The following SPRED3 variants were observed in gnomAD, a reference collection of about 807,000 sequenced individuals.
SPRED3 encodes the protein sprouty related EVH1 domain containing 3.
A neutral mutation model predicts 37.6 loss-of-function variants in SPRED3; 23 were observed. The observed-to-expected ratio is 0.61, with a 90% confidence interval of 0.44 to 0.87. SPRED3 has a LOEUF of 0.87. Among genes scored for constraint, SPRED3 ranks in the 40% least tolerant of loss-of-function variants. The pLI is 0.00. For synonymous variants in SPRED3, 302 were observed against 279.6 expected (o/e 1.08, Z -0.80); for missense variants, 584 against 618.6 (o/e 0.94, Z 0.59).
In SPRED3 at chr19:38,395,894, C is replaced by G. The variant is rs1468234208; in HGVS notation, c.982C>G (p.Arg328Gly). ...APDPGRLLVRRLSCLWCAESL... is the reference protein window; with the variant it reads ...APDPGRLLVRGLSCLWCAESL... ...GGACCCGGGTCGCCTCCTGGTGCGC[C>G]GTCTAAGCTGCCTGTGGTGCGCCGA... The change falls in exon 6 of 6, where the codon CGT becomes GGT. Residue 328 changes from arginine to glycine, a missense_variant. By Grantham distance (125) the Arg-to-Gly change is moderately radical. Around this residue, in one of 7 missense-constraint regions of SPRED3, gnomAD observed 67 missense variants for 57.4 expected, o/e 1.17. Coordinates refer to ENST00000691638, the MANE Select transcript of SPRED3 (RefSeq NM_001394336.1). The surrounding 1 kb of genome is among the most constrained non-coding windows in gnomAD (Gnocchi z 5.2). 1.3e-6 allele frequency: 2 copies of G among 1,504,678 alleles called. No homozygotes were observed. The highest frequency in any genetic ancestry group is 1.8e-6 in the Non-Finnish European group (2 of 1,135,342). 93.2% of individuals were successfully genotyped at this position (1,504,678 alleles called of 1,614,324 possible). A position where few individuals can be genotyped will look rare whatever the true frequency, so the allele number is the denominator to read the frequency against.
In SPRED3 at chr19:38,396,229, C is replaced by G. The variant is rs1354932537; in HGVS notation, c.*84C>G. 7.1e-6 allele frequency: 7 copies of G among 987,216 alleles called. No individual in the cohort carries two copies. Among genetic ancestry groups the G allele is most frequent in the African/African-American group, 1.7e-5 (1 of 58,952 alleles). 61.2% of individuals were successfully genotyped at this position (987,216 alleles called of 1,614,324 possible). A position where few individuals can be genotyped will look rare whatever the true frequency, so the allele number is the denominator to read the frequency against. On this transcript the variant is annotated 3_prime_UTR_variant, in exon 6 of 6. Transcript: ENST00000691638. ...CCGGACTCCGTTCGGACCTAAAACC[C>G]AAACCTAGGCACATCCGGAACTTGG... is the stretch of plus-strand genomic sequence containing the variant.
chr19:38,394,077 A>T (rs1051389470), intron 4 of SPRED3, among the ~76,000 whole-genome samples: 1 of 152,242 alleles, frequency 6.6e-6, no homozygotes, highest in South Asian at 2.1e-4. Flanking sequence ...CAGTGTGCAG[A>T]TAAGGTAGGA....
intron 2 of SPRED3, among the ~76,000 whole-genome samples, chr19:38,391,602 G>C (rs1441680841): frequency 6.6e-6 from 1 of 152,000 alleles, no homozygotes; most frequent in Non-Finnish European, 1.5e-5. Flanking sequence ...GGTGTGTTCA[G>C]TAAAATTGGG....
intron 4 of SPRED3, among the ~76,000 whole-genome samples, chr19:38,394,190 G>A (rs1314944814): frequency 6.6e-6 from 1 of 152,240 alleles, no homozygotes; most frequent in Non-Finnish European, 1.5e-5. Flanking sequence ...ACTCGGAGTG[G>A]GCGGGACTGC....
rs1970938727 is a variant in SPRED3 at position 38,399,523 on chromosome 19, C to T, written c.*3378C>T. On this transcript the variant is annotated 3_prime_UTR_variant, in exon 6 of 6. Transcript: ENST00000691638. ...GTGGGGGAGGATGGGGGCCAAAGACCCAGCCTTGTCATCGGGGGAGGGGGC... is the reference window on the plus strand; with the variant it reads ...GTGGGGGAGGATGGGGGCCAAAGACTCAGCCTTGTCATCGGGGGAGGGGGC... 1 of 152,022 alleles carries T rather than the reference C, an allele frequency of 6.6e-6. No individual in the cohort carries two copies. Among genetic ancestry groups the T allele is most frequent in the Non-Finnish European group, 1.5e-5 (1 of 68,030 alleles). 9.4% of individuals were successfully genotyped at this position (152,022 alleles called of 1,614,324 possible).
Position 38,392,101 on chromosome 19 carries a change from C to T in SPRED3, c.333C>T (p.Ala111=), listed in dbSNP as rs773566906. Residue 111 remains alanine, a synonymous_variant, in exon 3 of 6, where the codon GCC becomes GCT. Transcript: ENST00000691638. ...EFQKSLLAAL[A]ALGRGSLTPS... ...AGAAGAGCCTGCTGGCTGCGCTGGC[C>T]GCACTGGGTCGAGGTGAGCAGCCCA... The T allele has an allele frequency of 2.5e-5, 40 of 1,614,010 alleles. No individual in the cohort carries two copies. The highest frequency in any genetic ancestry group is 4.5e-5 in the East Asian group (2 of 44,896).
At chr19:38,390,843 C>T (rs914647049) in intron 2 of SPRED3, among the ~76,000 whole-genome samples, 4 of 149,208 alleles carry the variant, frequency 2.7e-5, no homozygotes, top group Admixed American at 6.7e-5. Flanking sequence ...ATCCTTGCCA[C>T]GAGGCCCTAC....
intron 4 of SPRED3, chr19:38,392,567 C>T (rs1302559973): frequency 5.5e-6 from 2 of 360,740 alleles, no homozygotes; most frequent in African/African-American, 4.2e-5. Flanking sequence ...TTCCTTTCCT[C>T]CTGGAGCTTC....
Position 38,395,894 on chromosome 19 carries a change from C to A in SPRED3, c.982C>A (p.Arg328Ser). The change falls in exon 6 of 6, where the codon CGT (arginine) becomes AGT (serine). Residue 328 changes from arginine to serine, a missense_variant. Around this residue, in one of 7 missense-constraint regions of SPRED3, gnomAD observed 67 missense variants for 57.4 expected, o/e 1.17. Coordinates refer to ENST00000691638, the MANE Select transcript of SPRED3 (RefSeq NM_001394336.1). This position sits in a 1 kb window ranked among gnomAD's most constrained non-coding sequence, Gnocchi z 5.2. ...APDPGRLLVRRLSCLWCAESL... is the reference protein window; with the variant it reads ...APDPGRLLVRSLSCLWCAESL... ...GGACCCGGGTCGCCTCCTGGTGCGC[C>A]GTCTAAGCTGCCTGTGGTGCGCCGA... The A allele has an allele frequency of 1.3e-6, 2 of 1,504,786 alleles. No individual in the cohort carries two copies. The highest frequency in any genetic ancestry group is 1.8e-6 in the Non-Finnish European group (2 of 1,135,332). 93.2% of individuals were successfully genotyped at this position (1,504,786 alleles called of 1,614,324 possible).
intron 4 of SPRED3, 120 bp from the exon 5 acceptor site, chr19:38,394,523 G>A (rs1970869249): frequency 1.9e-6 from 3 of 1,549,028 alleles, no homozygotes; most frequent in Middle Eastern, 1.7e-4. Context: ...TGACAGAGCC[G>A]GGGTTTGAAC....
chr19:38,390,557 T>C, intron 2 of SPRED3, 78 bp downstream of exon 2: 7 of 1,157,068 alleles, frequency 6.0e-6, no homozygotes, highest in East Asian at 3.2e-5. Context: ...GGAGCAGAGG[T>C]CAGGTTGCCT....
chr19:38,390,826 C>G (rs1204716322), intron 2 of SPRED3, among the ~76,000 whole-genome samples: 1 of 144,634 alleles, frequency 6.9e-6, no homozygotes, highest in Non-Finnish European at 1.5e-5. Flanking sequence ...CTCCATCTTG[C>G]TCAGAGATCC....
chr19:38,390,782 C>T (rs981548813), intron 2 of SPRED3, among the ~76,000 whole-genome samples: 3 of 138,434 alleles, frequency 2.2e-5, no homozygotes, highest in East Asian at 4.7e-4. Context: ...CCCCCCGCCC[C>T]GACTCACACC....
Position 38,394,638 on chromosome 19 carries a change from T to TCCAGTCCCACGTGGACAG in SPRED3, c.424-3_438dup. On this transcript the variant is annotated splice_polypyrimidine_tract_variant and splice_region_variant and intron_variant, in intron 4 of 5. Coordinates refer to ENST00000691638, the MANE Select transcript of SPRED3 (RefSeq NM_001394336.1). ...CCCCGCGCTGAGGCCGCCAATCTCC[T>TCCAGTCCCACGTGGACAG]CCAGTCCCACGTGGACAGCGACTCC... 1 of 1,593,070 alleles carries TCCAGTCCCACGTGGACAG rather than the reference T, an allele frequency of 6.3e-7. No homozygotes were observed. Among genetic ancestry groups the TCCAGTCCCACGTGGACAG allele is most frequent in the Non-Finnish European group, 8.5e-7 (1 of 1,174,610 alleles).
intron 2 of SPRED3, among the ~76,000 whole-genome samples, chr19:38,391,374 A>G (rs73044911): frequency 0.022 from 3,360 of 151,872 alleles, 52 homozygotes; most frequent in South Asian, 0.045. Context: ...TAAAGTTTCC[A>G]GAGATTATTA....
In SPRED3 at chr19:38,397,820, C is replaced by T. The variant is rs900274855; in HGVS notation, c.*1675C>T. On this transcript the variant is annotated 3_prime_UTR_variant, in exon 6 of 6. Coordinates refer to ENST00000691638, the MANE Select transcript of SPRED3 (RefSeq NM_001394336.1). The stretch of plus-strand genomic sequence containing the variant: ...CACAGTGGCTCATGCCTTGTAATCC[C>T]AGCACTTTGGGAGGCCAAGGGAGGA... 3 of 152,178 alleles carry T rather than the reference C, an allele frequency of 2.0e-5. No individual in the cohort carries two copies. The East Asian group carries it at 5.8e-4, about 29-fold the overall frequency. 9.4% of individuals were successfully genotyped at this position (152,178 alleles called of 1,614,324 possible).
rs1451701116 is a variant in SPRED3, at chr19:38,398,832, G to A, written c.*2687G>A. 6.6e-6 allele frequency: 1 copy of A among 152,220 alleles called. No homozygotes were observed. Among genetic ancestry groups the A allele is most frequent in the Non-Finnish European group, 1.5e-5 (1 of 68,056 alleles). The allele number at this position is 152,220 out of a possible 1,614,324, so 9.4% of individuals were successfully genotyped here. A position where few individuals can be genotyped will look rare whatever the true frequency, so the allele number is the denominator to read the frequency against. On this transcript the variant is annotated 3_prime_UTR_variant, in exon 6 of 6. Transcript: ENST00000691638. Reference sequence around the variant, plus strand: ...GGCCTTGTTGGGGTTCAAGGGATAGGTCCTCTGTCTCTTCCTTTAAATTAT... The same window carrying A: ...GGCCTTGTTGGGGTTCAAGGGATAGATCCTCTGTCTCTTCCTTTAAATTAT...
chr19:38,395,745 C>G lies in SPRED3; in HGVS notation c.833C>G (p.Pro278Arg). 2 of 1,460,070 alleles carry G rather than the reference C, an allele frequency of 1.4e-6. No individual in the cohort carries two copies. Among genetic ancestry groups the G allele is most frequent in the Non-Finnish European group, 1.8e-6 (2 of 1,116,090 alleles). The allele number at this position is 1,460,070 out of a possible 1,614,324, so 90.4% of individuals were successfully genotyped here. A position where few individuals can be genotyped will look rare whatever the true frequency, so the allele number is the denominator to read the frequency against. ...CCCCCCGCTCGCCCACCCCCCGGCC[C>G]GGGCCCATCCTCTGCGCCTGCCAAG... ...PAPPARPPPG[P>R]GPSSAPAKAS... The change falls in exon 6 of 6, where the codon CCG (proline) becomes CGG (arginine). Residue 278 changes from proline to arginine, a missense_variant. Coordinates refer to ENST00000691638, the MANE Select transcript of SPRED3 (RefSeq NM_001394336.1). The surrounding 1 kb of genome is among the most constrained non-coding windows in gnomAD (Gnocchi z 5.2).
At position 38,394,626 on chromosome 19, in the gene SPRED3, C is replaced by T; in HGVS notation, c.424-17C>T. On this transcript the variant is annotated splice_polypyrimidine_tract_variant and intron_variant, in intron 4 of 5. Coordinates refer to ENST00000691638, the MANE Select transcript of SPRED3 (RefSeq NM_001394336.1). ...GCGGGGGCGTGTCCCCGCGCTGAGGCCGCCAATCTCCTCCAGTCCCACGTG... is the reference window on the plus strand; with the variant it reads ...GCGGGGGCGTGTCCCCGCGCTGAGGTCGCCAATCTCCTCCAGTCCCACGTG... 1.3e-6 allele frequency: 2 copies of T among 1,582,860 alleles called. No homozygotes were observed. The highest frequency in any genetic ancestry group is 1.7e-6 in the Non-Finnish European group (2 of 1,169,184).
Sources: gnomAD v4.1 joint callset for allele counts (sites outside exome capture counted in the v4.1 genomes callset) on GRCh38, gnomAD v4.1.1 for gene constraint, gnomAD v4.1.1 regional missense constraint, Gnocchi (gnomAD v3.1) non-coding constraint, MANE v1.5 for transcripts, NCBI Gene and HGNC (gene_info 2026-07-23, HGNC 2026-07-21) for gene names.